ATG5: variants seen among roughly 807,000 people sequenced by gnomAD.
The protein encoded by ATG5 is autophagy protein 5.
ATG5 carries 14 observed loss-of-function variants against 36.5 expected under a neutral mutation model. That is an observed-to-expected ratio of 0.38 (90% CI 0.25 to 0.60). The LOEUF is 0.60. Among genes scored for constraint, ATG5 ranks in the 20% least tolerant of loss-of-function variants. The pLI is 0.60. For missense variants in ATG5, 195 were observed against 326.7 expected (o/e 0.60, Z 3.11); for synonymous variants, 95 against 101.5 (o/e 0.94, Z 0.38).
chr6:106,217,992 G>A (rs1488914159), intron 6 of ATG5, among the ~76,000 whole-genome samples: 2 of 152,152 alleles, frequency 1.3e-5, no homozygotes, highest in African/African-American at 4.8e-5. Flanking sequence ...CTTAACTTAT[G>A]ATTATTAAAC....
intron 3 of ATG5, among the ~76,000 whole-genome samples, chr6:106,299,402 G>A (rs1770113376): frequency 1.3e-5 from 2 of 151,980 alleles, no homozygotes; most frequent in Non-Finnish European, 2.9e-5. Context: ...ATCCATGGTT[G>A]GTTGAATCCA....
intron 1 of ATG5, among the ~76,000 whole-genome samples, chr6:106,321,874 C>G (rs1362615493): frequency 1.3e-5 from 2 of 152,120 alleles, no homozygotes; most frequent in African/African-American, 2.4e-5. Context: ...AATATTAGTA[C>G]AGTTAGCACA....
At chr6:106,280,287 A>G (rs918353813) in intron 4 of ATG5, among the ~76,000 whole-genome samples, 27 of 151,704 alleles carry the variant, frequency 1.8e-4, no homozygotes, top group Admixed American at 1.2e-3. Flanking sequence ...AAAAAAAAAA[A>G]AAAGAAAGAA....
chr6:106,257,131 T>C (rs1778832585), intron 5 of ATG5, among the ~76,000 whole-genome samples: 1 of 152,180 alleles, frequency 6.6e-6, no homozygotes, highest in Admixed American at 6.5e-5. Context: ...AATATCACTG[T>C]CTTCCACCTC....
chr6:106,265,028 T>G (rs1779173531), intron 5 of ATG5, among the ~76,000 whole-genome samples: 1 of 152,058 alleles, frequency 6.6e-6, no homozygotes, highest in Admixed American at 6.5e-5. Flanking sequence ...AATGCTCCAA[T>G]TAAAAGACAC....
chr6:106,192,469 T>G (rs1445627027), intron 7 of ATG5, among the ~76,000 whole-genome samples: 1 of 152,158 alleles, frequency 6.6e-6, no homozygotes, highest in Non-Finnish European at 1.5e-5. Context: ...TGACTTGAGA[T>G]TCTAGTGAGA....
intron 7 of ATG5, among the ~76,000 whole-genome samples, chr6:106,199,955 C>A (rs1776352132): frequency 6.6e-6 from 1 of 152,126 alleles, no homozygotes; most frequent in Non-Finnish European, 1.5e-5. Flanking sequence ...TATTTATAAC[C>A]TCTTAAATCC....
chr6:106,278,592 G>A (rs1011905935), intron 5 of ATG5, among the ~76,000 whole-genome samples: 1 of 152,174 alleles, frequency 6.6e-6, no homozygotes, highest in African/African-American at 2.4e-5. Context: ...GGGCAGCCAT[G>A]TCAACATTTC....
In ATG5 at chr6:106,278,640, T is replaced by C. The variant is rs141613830; in HGVS notation, c.478+1021A>G. 9.7e-3 allele frequency among the ~76,000 whole-genome samples: 1,475 copies of C among 152,336 alleles called. 6 individuals carry two copies. Among genetic ancestry groups the C allele is most frequent in the Middle Eastern group, 0.051 (15 of 294 alleles). ...TTGCTTCCATAACTCCATTTCTTTCTATTCAAATTTCATTCCCAACATTAT... is the reference window on the plus strand; with the variant it reads ...TTGCTTCCATAACTCCATTTCTTTCCATTCAAATTTCATTCCCAACATTAT... On this transcript the variant is annotated intron_variant, in intron 5 of 7. Coordinates refer to ENST00000369076, the MANE Select transcript of ATG5 (RefSeq NM_004849.4).
intron 5 of ATG5, among the ~76,000 whole-genome samples, chr6:106,274,304 G>A (rs753639856): frequency 1.3e-5 from 2 of 151,920 alleles, no homozygotes; most frequent in Non-Finnish European, 2.9e-5. Flanking sequence ...TTATTTCACA[G>A]AGAGGTTAAA....
chr6:106,195,161 A>C (rs901282594), intron 7 of ATG5, among the ~76,000 whole-genome samples: 1 of 152,256 alleles, frequency 6.6e-6, no homozygotes, highest in Non-Finnish European at 1.5e-5. Flanking sequence ...GACCTAAAGC[A>C]CGTATTCATA....
At chr6:106,259,141 A>C (rs1778915223) in intron 5 of ATG5, among the ~76,000 whole-genome samples, 1 of 152,194 alleles carries the variant, frequency 6.6e-6, no homozygotes, top group Non-Finnish European at 1.5e-5. Flanking sequence ...CTGTTATATA[A>C]CAACTAATTC....
At chr6:106,229,560 A>G (rs531533234) in intron 6 of ATG5, among the ~76,000 whole-genome samples, 1 of 145,350 alleles carries the variant, frequency 6.9e-6, no homozygotes, top group South Asian at 2.2e-4. Context: ...TAGAAATAGT[A>G]AAAAAAAACA....
chr6:106,279,089 T>C (rs1250653278), intron 5 of ATG5, among the ~76,000 whole-genome samples: 1 of 152,226 alleles, frequency 6.6e-6, no homozygotes, highest in Non-Finnish European at 1.5e-5. Flanking sequence ...AATAACTGTT[T>C]GAAGGCACTA....
At chr6:106,310,776 CTTAT>C (rs1230084768) in intron 2 of ATG5, among the ~76,000 whole-genome samples, 1 of 152,114 alleles carries the variant, frequency 6.6e-6, no homozygotes, top group Non-Finnish European at 1.5e-5. Context: ...CTCTAGGTAC[CTTAT>C]TTAAGTGGAA....
At chr6:106,283,784 A>G (rs1455971246) in intron 4 of ATG5, 1 of 152,218 alleles carries the variant, frequency 6.6e-6, no homozygotes, top group Non-Finnish European at 1.5e-5. Context: ...TGAGGCTTTT[A>G]AAATTACAAA....
intron 1 of ATG5, among the ~76,000 whole-genome samples, chr6:106,320,671 T>C (rs983000563): frequency 6.7e-6 from 1 of 149,396 alleles, no homozygotes; most frequent in Non-Finnish European, 1.5e-5. Context: ...AATGGACACA[T>C]GGTAAGTGCT....
chr6:106,308,563 G>C lies in ATG5; in HGVS notation c.109-72C>G. On this transcript the variant is annotated intron_variant, in intron 2 of 7. Coordinates refer to ENST00000369076, the MANE Select transcript of ATG5 (RefSeq NM_004849.4). ...TTTAAAAAATACTAAGTAGGTTTTT[G>C]AATTTTAAGGAAAAACAGCCGTGTT... The C allele has an allele frequency of 4.2e-6, 5 of 1,187,866 alleles. No individual in the cohort carries two copies. The South Asian group carries it at 5.8e-5, about 14-fold the overall frequency. 73.6% of individuals were successfully genotyped at this position (1,187,866 alleles called of 1,614,324 possible).
At chr6:106,229,393 A>T (rs772499856) in intron 6 of ATG5, among the ~76,000 whole-genome samples, 21 of 152,040 alleles carry the variant, frequency 1.4e-4, no homozygotes, top group Non-Finnish European at 2.8e-4. Flanking sequence ...AGAGAAAGAG[A>T]CAGTGAGAGA....
Sources: allele counts gnomAD v4.1 joint callset (sites outside exome capture counted in the v4.1 genomes callset), GRCh38; gene constraint gnomAD v4.1.1; transcripts MANE v1.5; gene names NCBI Gene and HGNC (gene_info 2026-07-23, HGNC 2026-07-21).